PARPBP: variants seen among roughly 807,000 people sequenced by gnomAD.
The protein encoded by PARPBP is PARP1 binding protein.
A neutral mutation model predicts 50.0 loss-of-function variants in PARPBP; 52 were observed. The observed-to-expected ratio is 1.04, with a 90% CI of 0.83 to 1.31. The LOEUF is 1.31. Ranked by LOEUF, PARPBP falls within the 50% of genes most tolerant of loss-of-function variation. The pLI, the probability that PARPBP is intolerant of heterozygous loss-of-function variation, is 0.00. For missense variants in PARPBP, 697 were observed against 672.0 expected, an observed-to-expected ratio of 1.04 and a Z score of -0.41; for synonymous variants, 244 against 232.1, an observed-to-expected ratio of 1.05 and a Z score of -0.47.
chr12:102,145,840 G>C (rs566526434), intron 2 of PARPBP, among the ~76,000 whole-genome samples: 15 of 152,252 alleles, frequency 9.9e-5, no homozygotes, highest in African/African-American at 3.1e-4. Flanking sequence ...GAGCTGAGAA[G>C]AATCAAAATT....
chr12:102,156,096 G>A (rs575679434), intron 4 of PARPBP, among the ~76,000 whole-genome samples: 23 of 147,740 alleles, frequency 1.6e-4, no homozygotes, highest in Admixed American at 4.7e-4. Flanking sequence ...AAAGTGGCCC[G>A]CCACCATCTT....
rs773864586 is a variant in PARPBP, at chr12:102,148,337, T to C, written c.261T>C (p.His87=). Residue 87 remains histidine, a synonymous_variant, in exon 3 of 11, where the codon CAT becomes CAC. Coordinates refer to ENST00000327680, the MANE Select transcript of PARPBP (RefSeq NM_017915.5). ...TTGAAAACATGGACGTGACTGACCA[T>C]TATGAGGACGTTAGGAAGATTTATG... The part of the protein sequence containing the change: ...LPVENMDVTD[H]YEDVRKIYDD... 3 of 1,593,656 alleles carry C rather than the reference T, an allele frequency of 1.9e-6. No individual in the cohort carries two copies. The highest frequency in any genetic ancestry group is 2.7e-5 in the African/African-American group (2 of 74,496).
intron 2 of PARPBP, among the ~76,000 whole-genome samples, chr12:102,135,511 G>T (rs1486526067): frequency 7.5e-6 from 1 of 132,936 alleles, no homozygotes; most frequent in East Asian, 2.1e-4. Flanking sequence ...CTGCACTCCA[G>T]CCTGGGAGAC....
intron 4 of PARPBP, chr12:102,155,241 C>G (rs771274261): frequency 4.4e-4 from 68 of 154,958 alleles, no homozygotes; most frequent in Admixed American, 8.9e-4. Flanking sequence ...TGAGATCACA[C>G]CACTGCACTC....
At chr12:102,147,153 A>G (rs1201863642) in intron 2 of PARPBP, among the ~76,000 whole-genome samples, 1 of 152,244 alleles carries the variant, frequency 6.6e-6, no homozygotes, top group East Asian at 1.9e-4. Context: ...TGTGGAAGTC[A>G]GTGTGGCTAT....
At chr12:102,124,916 A>G (rs1179816562) in intron 2 of PARPBP, among the ~76,000 whole-genome samples, 1 of 152,234 alleles carries the variant, frequency 6.6e-6, no homozygotes, top group African/African-American at 2.4e-5. Context: ...AAATAAGGCC[A>G]TTGAGAAAAA....
intron 2 of PARPBP, among the ~76,000 whole-genome samples, chr12:102,138,865 C>T (rs139864578): frequency 6.6e-6 from 1 of 152,062 alleles, no homozygotes; most frequent in South Asian, 2.1e-4. Context: ...TTTGGTACCA[C>T]TACCATGCTG....
intron 9 of PARPBP, among the ~76,000 whole-genome samples, chr12:102,194,552 T>A (rs901904416): frequency 7.2e-5 from 11 of 151,906 alleles, no homozygotes; most frequent in Admixed American, 7.2e-4. Flanking sequence ...CCAAAACTAC[T>A]TTTTTTGGCA....
At chr12:102,169,524 T>C (rs1210315242) in intron 6 of PARPBP, among the ~76,000 whole-genome samples, 1 of 152,190 alleles carries the variant, frequency 6.6e-6, no homozygotes, top group Non-Finnish European at 1.5e-5. Context: ...ATTCACTCAC[T>C]AAGATCCGTC....
chr12:102,187,080 C>A (rs754670396), intron 9 of PARPBP, among the ~76,000 whole-genome samples: 3 of 152,070 alleles, frequency 2.0e-5, no homozygotes, highest in Non-Finnish European at 4.4e-5. Flanking sequence ...ATAGAATTTT[C>A]TTCCCCTGCC....
chr12:102,162,557 A>G (rs900007401), intron 4 of PARPBP, among the ~76,000 whole-genome samples: 6 of 152,242 alleles, frequency 3.9e-5, no homozygotes, highest in Admixed American at 2.0e-4. Context: ...ATGGTGGCTC[A>G]CACCTGTATT....
rs146821008 is a variant in PARPBP at position 102,178,762 on chromosome 12, A to C, written c.1176A>C (p.Thr392=). The C allele has an allele frequency of 1.8e-5, 28 of 1,595,222 alleles. No homozygotes were observed. The highest frequency in any genetic ancestry group is 1.7e-4 in the Admixed American group (10 of 58,126). Reference sequence around the variant, plus strand: ...ATCATCATGGAACGTCTATTCTTACACTTTTTAGGTAAGTTATGTGGAAGT... The same window carrying C: ...ATCATCATGGAACGTCTATTCTTACCCTTTTTAGGTAAGTTATGTGGAAGT... The part of the protein sequence containing the change: ...TIHHHGTSIL[T]LFRSPTQVNN... Residue 392 remains threonine, a synonymous_variant, in exon 8 of 11, where the codon ACA becomes ACC. Transcript: ENST00000327680.
intron 6 of PARPBP, among the ~76,000 whole-genome samples, chr12:102,174,601 C>A (rs1158746346): frequency 6.6e-6 from 1 of 152,178 alleles, no homozygotes; most frequent in Non-Finnish European, 1.5e-5. Context: ...TCAGACCACA[C>A]CAGTTTCTCA....
At chr12:102,168,980 A>G (rs866655420) in intron 6 of PARPBP, among the ~76,000 whole-genome samples, 1 of 152,136 alleles carries the variant, frequency 6.6e-6, no homozygotes, top group Admixed American at 6.5e-5. Context: ...TATTTAATGT[A>G]TATTTCTCAA....
At chr12:102,151,634 C>G in intron 3 of PARPBP, 1 of 1,535,646 alleles carries the variant, frequency 6.5e-7, no homozygotes, top group Non-Finnish European at 8.7e-7. Context: ...GATCTCTTGG[C>G]TCCTGGGGAA....
chr12:102,159,488 GA>G (rs1887332212), intron 4 of PARPBP, among the ~76,000 whole-genome samples: 2 of 152,172 alleles, frequency 1.3e-5, no homozygotes, highest in Non-Finnish European at 2.9e-5. Flanking sequence ...GTCTTGCAGA[GA>G]AATATTTTGA....
chr12:102,195,197 A>T (rs1891171023), intron 9 of PARPBP, 115 bp from the exon 10 acceptor site: 1 of 579,338 alleles, frequency 1.7e-6, no homozygotes, highest in Non-Finnish European at 2.8e-6. Flanking sequence ...AATGAGTAAT[A>T]GAATTTCTAA....
intron 9 of PARPBP, among the ~76,000 whole-genome samples, chr12:102,193,892 T>A (rs1891027780): frequency 1.3e-5 from 2 of 152,006 alleles, no homozygotes; most frequent in African/African-American, 2.4e-5. Context: ...TAGTTTTTGA[T>A]CTTGTATATT....
At chr12:102,161,860 A>T (rs938671092) in intron 4 of PARPBP, among the ~76,000 whole-genome samples, 1 of 152,214 alleles carries the variant, frequency 6.6e-6, no homozygotes, top group African/African-American at 2.4e-5. Context: ...TCTACTTTAG[A>T]CTGGGGAATC....
Sources: allele counts gnomAD v4.1 joint callset (sites outside exome capture counted in the v4.1 genomes callset), GRCh38; gene constraint gnomAD v4.1.1; transcripts MANE v1.5; gene names NCBI Gene and HGNC (gene_info 2026-07-23, HGNC 2026-07-21).